The following PCMTD1 variants were observed in gnomAD, a reference collection of about 807,000 sequenced individuals.
The protein encoded by PCMTD1 is protein-L-isoaspartate O-methyltransferase domain-containing protein 1.
PCMTD1 carries 12 observed loss-of-function variants against 37.6 expected under a neutral mutation model. That is an observed-to-expected ratio of 0.32 (90% confidence interval 0.20 to 0.52). The LOEUF is 0.52. PCMTD1 is among the 20% of genes least tolerant of loss of function. PCMTD1 has a pLI of 0.97. For missense variants in PCMTD1, 235 were observed against 421.3 expected, an observed-to-expected ratio of 0.56 and a Z score of 3.87; for synonymous variants, 117 against 135.8, an observed-to-expected ratio of 0.86 and a Z score of 0.96.
intron 2 of PCMTD1, among the ~76,000 whole-genome samples, chr8:51,848,257 G>T (rs945561693): frequency 6.6e-6 from 1 of 150,408 alleles, no homozygotes; most frequent in Non-Finnish European, 1.5e-5. Flanking sequence ...ACTACAATCC[G>T]GGCTGGGCAA....
At chr8:51,862,349 TATACAC>T (rs888947622) in intron 1 of PCMTD1, among the ~76,000 whole-genome samples, 14 of 65,720 alleles carry the variant, frequency 2.1e-4, no homozygotes, top group East Asian at 1.1e-3. Flanking sequence ...GAACATGTTT[TATACAC>T]ATACACACAC....
chr8:51,880,004 G>A (rs886351786), intron 1 of PCMTD1, among the ~76,000 whole-genome samples: 6 of 150,758 alleles, frequency 4.0e-5, no homozygotes, highest in Admixed American at 2.6e-4. Context: ...GCAACATAGC[G>A]AGACCATCAT....
intron 1 of PCMTD1, among the ~76,000 whole-genome samples, chr8:51,878,833 T>C (rs1254268152): frequency 6.6e-6 from 1 of 151,852 alleles, no homozygotes; most frequent in African/African-American, 2.4e-5. Context: ...GAAAGACAAT[T>C]TGACTTTTAA....
At chr8:51,841,053 A>C (rs1250590198) in intron 3 of PCMTD1, among the ~76,000 whole-genome samples, 1 of 152,192 alleles carries the variant, frequency 6.6e-6, no homozygotes, top group Non-Finnish European at 1.5e-5. Flanking sequence ...AACTTGCTGG[A>C]AAGAAATATT....
At chr8:51,865,379 A>G (rs2038535447) in intron 1 of PCMTD1, among the ~76,000 whole-genome samples, 1 of 152,172 alleles carries the variant, frequency 6.6e-6, no homozygotes, top group African/African-American at 2.4e-5. Flanking sequence ...ACAAGAAAAG[A>G]AAAGAACAGG....
chr8:51,869,078 T>TAA (rs34329463), intron 1 of PCMTD1, among the ~76,000 whole-genome samples: 1 of 151,910 alleles, frequency 6.6e-6, no homozygotes, highest in Non-Finnish European at 1.5e-5. Context: ...CCCCCAATGT[T>TAA]AGACTATGAA....
intron 1 of PCMTD1, among the ~76,000 whole-genome samples, chr8:51,886,937 G>A (rs936030502): frequency 4.7e-5 from 7 of 150,476 alleles, no homozygotes; most frequent in Non-Finnish European, 7.4e-5. Context: ...CTGTTCCCTC[G>A]CATCAGTGTC....
chr8:51,890,111 G>A (rs987949958), intron 1 of PCMTD1, among the ~76,000 whole-genome samples: 2 of 102,572 alleles, frequency 1.9e-5, no homozygotes, highest in African/African-American at 2.5e-5. Context: ...CAAATCAACT[G>A]CATGAATGGT....
Position 51,861,157 on chromosome 8 carries a change from T to C in PCMTD1, c.-6A>G. 1 of 1,574,126 alleles carries C rather than the reference T, an allele frequency of 6.4e-7. No individual in the cohort carries two copies. The highest frequency in any genetic ancestry group is 8.6e-7 in the Non-Finnish European group (1 of 1,157,184). On this transcript the variant is annotated 5_prime_UTR_variant, in exon 2 of 6. It adds an upstream start codon to the 5' untranslated region. Coordinates refer to ENST00000522514, the MANE Select transcript of PCMTD1 (RefSeq NM_052937.4). ...GCACTCACAGCTCCTCCCATGATAG[T>C]ATTCAAATCAAATCATAAATTTAAA...
intron 1 of PCMTD1, among the ~76,000 whole-genome samples, chr8:51,861,602 A>G (rs2038470345): frequency 6.6e-6 from 1 of 152,158 alleles, no homozygotes; most frequent in African/African-American, 2.4e-5. Context: ...ACCTACCTGT[A>G]TTTTAAGTGT....
At chr8:51,849,400 G>A (rs984932401) in intron 2 of PCMTD1, 6 of 152,010 alleles carry the variant, frequency 3.9e-5, no homozygotes, top group Non-Finnish European at 5.9e-5. Context: ...GAATTCCAAT[G>A]TTATTTTGTA....
At chr8:51,883,438 T>G (rs1216392479) in intron 1 of PCMTD1, among the ~76,000 whole-genome samples, 4 of 152,140 alleles carry the variant, frequency 2.6e-5, no homozygotes. Flanking sequence ...CATATATAGA[T>G]AATAATAGAG....
At chr8:51,860,114 G>A (rs766366482) in intron 2 of PCMTD1, among the ~76,000 whole-genome samples, 1 of 152,162 alleles carries the variant, frequency 6.6e-6, no homozygotes, top group Non-Finnish European at 1.5e-5. Context: ...TCACTTCCTA[G>A]ATACGTGACT....
At chr8:51,852,420 C>CAT (rs903582898) in intron 2 of PCMTD1, among the ~76,000 whole-genome samples, 1 of 152,196 alleles carries the variant, frequency 6.6e-6, no homozygotes, top group Non-Finnish European at 1.5e-5. Flanking sequence ...GGGAATGATG[C>CAT]ATACCACAGA....
chr8:51,895,176 C>T (rs2038983136), intron 1 of PCMTD1, among the ~76,000 whole-genome samples: 1 of 152,176 alleles, frequency 6.6e-6, no homozygotes, highest in Non-Finnish European at 1.5e-5. Flanking sequence ...CAACATCTAT[C>T]TATACTTCAG....
At chr8:51,875,982 G>T (rs1190658885) in intron 1 of PCMTD1, among the ~76,000 whole-genome samples, 2 of 152,122 alleles carry the variant, frequency 1.3e-5, no homozygotes, top group East Asian at 1.9e-4. Context: ...GTGTGTGCAT[G>T]TGCGTGCACG....
At chr8:51,829,573 TGCC>T in intron 5 of PCMTD1, among the ~76,000 whole-genome samples, 1 of 152,226 alleles carries the variant, frequency 6.6e-6, no homozygotes, top group African/African-American at 2.4e-5. Flanking sequence ...TGGTTGGGTC[TGCC>T]TAATGTAAGG....
intron 1 of PCMTD1, among the ~76,000 whole-genome samples, chr8:51,886,293 A>G (rs2038863840): frequency 6.6e-6 from 1 of 152,214 alleles, no homozygotes; most frequent in Non-Finnish European, 1.5e-5. Context: ...ACTGGGGAGG[A>G]AAGTTCTATC....
intron 4 of PCMTD1, among the ~76,000 whole-genome samples, chr8:51,832,814 G>C (rs2038015982): frequency 6.6e-6 from 1 of 152,174 alleles, no homozygotes; most frequent in African/African-American, 2.4e-5. Flanking sequence ...TTTTATTAAT[G>C]AAGTTAAGTA....
Sources: allele counts gnomAD v4.1 joint callset (sites outside exome capture counted in the v4.1 genomes callset), GRCh38; gene constraint gnomAD v4.1.1; transcripts MANE v1.5; gene names NCBI Gene and HGNC (gene_info 2026-07-23, HGNC 2026-07-21).